TBC1D12: variants seen among roughly 807,000 people sequenced by gnomAD.
TBC1D12 encodes TBC1 domain family, member 12.
A neutral mutation model predicts 86.7 loss-of-function variants in TBC1D12; 56 were observed. The observed-to-expected ratio is 0.65, with a 90% confidence interval of 0.52 to 0.81. TBC1D12 has a LOEUF of 0.81. Among genes scored for constraint, TBC1D12 ranks in the 30% least tolerant of loss-of-function variants. The pLI, the probability that TBC1D12 is intolerant of heterozygous loss-of-function variation, is 0.00. For synonymous variants in TBC1D12, 421 were observed against 411.7 expected, an observed-to-expected ratio of 1.02 and a Z score of -0.27; for missense variants, 1,023 against 1,038.8, an observed-to-expected ratio of 0.98 and a Z score of 0.21.
chr10:94,406,331 C>G (rs2054853772), intron 1 of TBC1D12, among the ~76,000 whole-genome samples: 1 of 152,004 alleles, frequency 6.6e-6, no homozygotes, highest in South Asian at 2.1e-4. Context: ...AAACAGGTGC[C>G]CTAAAGTTAA....
At chr10:94,525,474 T>C (rs1028760514) in intron 11 of TBC1D12, among the ~76,000 whole-genome samples, 2 of 151,862 alleles carry the variant, frequency 1.3e-5, no homozygotes, top group African/African-American at 2.4e-5. Context: ...TGTGGTGGCC[T>C]GTGCCTGTAG....
chr10:94,456,958 CTCTG>C (rs1300782839), intron 2 of TBC1D12, among the ~76,000 whole-genome samples: 2 of 152,182 alleles, frequency 1.3e-5, no homozygotes, highest in Non-Finnish European at 2.9e-5. Flanking sequence ...CCGAAGTCTG[CTCTG>C]TCTGAGATTA....
chr10:94,498,809 C>T (rs2056357404), intron 5 of TBC1D12, among the ~76,000 whole-genome samples: 1 of 151,706 alleles, frequency 6.6e-6, no homozygotes, highest in South Asian at 2.1e-4. Context: ...CACTCTGTTG[C>T]CCAGGCTGGG....
chr10:94,474,981 T>C (rs1447895471), intron 3 of TBC1D12, among the ~76,000 whole-genome samples, 198 bp downstream of exon 3: 1 of 152,108 alleles, frequency 6.6e-6, no homozygotes, highest in Non-Finnish European at 1.5e-5. Context: ...AGAGACAGGG[T>C]CTTGCTATGT....
chr10:94,523,051 A>C (rs537041769), intron 11 of TBC1D12, among the ~76,000 whole-genome samples: 1 of 150,596 alleles, frequency 6.6e-6, no homozygotes, highest in African/African-American at 2.4e-5. Flanking sequence ...CTCAAAAAAA[A>C]AAAAAAAAAA....
chr10:94,507,279 T>A lies in TBC1D12; in HGVS notation c.1532T>A (p.Ile511Asn). The A allele has an allele frequency of 6.2e-7, 1 of 1,610,750 alleles. No homozygotes were observed. The highest frequency in any genetic ancestry group is 1.7e-5 in the Admixed American group (1 of 58,994). ...CCCCAACCCCCAGAACTTTATGAAA[T>A]CTTCCTCTCAAGAGCAAAAGAACGG... Reference protein sequence around the residue: ...ELNITPELYEIFLSRAKERWK... With the variant: ...ELNITPELYENFLSRAKERWK... The change falls in exon 7 of 13, where the codon ATC (isoleucine) becomes AAC (asparagine). Residue 511 changes from isoleucine (I) to asparagine (N), a missense_variant. Coordinates refer to ENST00000225235, the MANE Select transcript of TBC1D12 (RefSeq NM_015188.2).
At chr10:94,409,644 A>G (rs1268411147) in intron 1 of TBC1D12, among the ~76,000 whole-genome samples, 1 of 152,102 alleles carries the variant, frequency 6.6e-6, no homozygotes, top group Non-Finnish European at 1.5e-5. Flanking sequence ...TTAAAGTGCT[A>G]GGATTATAGG....
At position 94,530,897 on chromosome 10, in the gene TBC1D12, A is replaced by G. The variant is rs537323520; in HGVS notation, c.2001-305A>G. Among the ~76,000 whole-genome samples, 1,094 of 120,152 alleles carry G rather than the reference A, an allele frequency of 9.1e-3. 10 individuals are homozygous for G. Among genetic ancestry groups the G allele is most frequent in the Admixed American group, 0.012 (108 of 8,792 alleles). 78.8% of individuals were successfully genotyped at this position (120,152 alleles called of 152,430 possible). A position where few individuals can be genotyped will look rare whatever the true frequency, so the allele number is the denominator to read the frequency against. Reference sequence around the variant, plus strand: ...TTTTTCTGAGACAGAGTCTCACTCTATCACCAGGCTGGAGTGCAGTGGCAC... The same window carrying G: ...TTTTTCTGAGACAGAGTCTCACTCTGTCACCAGGCTGGAGTGCAGTGGCAC... On this transcript the variant is annotated intron_variant, in intron 11 of 12. Coordinates refer to ENST00000225235, the MANE Select transcript of TBC1D12 (RefSeq NM_015188.2).
At chr10:94,444,506 A>G (rs1001744341) in intron 2 of TBC1D12, among the ~76,000 whole-genome samples, 1 of 152,140 alleles carries the variant, frequency 6.6e-6, no homozygotes, top group Non-Finnish European at 1.5e-5. Flanking sequence ...CTCTAGAGGC[A>G]AAACGGTGGT....
chr10:94,443,107 A>C (rs1443851462), intron 2 of TBC1D12, among the ~76,000 whole-genome samples: 2 of 152,178 alleles, frequency 1.3e-5, no homozygotes, highest in Non-Finnish European at 2.9e-5. Flanking sequence ...AACCAGAACC[A>C]AGATGTTCAC....
intron 1 of TBC1D12, among the ~76,000 whole-genome samples, chr10:94,429,106 G>A (rs1159595392): frequency 6.6e-6 from 1 of 151,206 alleles, no homozygotes; most frequent in East Asian, 1.9e-4. Flanking sequence ...CAATGTTACG[G>A]ATATTTTCTA....
rs77327874 is a variant in TBC1D12, at chr10:94,483,765, C to A, written c.1211+8982C>A. On this transcript the variant is annotated intron_variant, in intron 3 of 12. Coordinates refer to ENST00000225235, the MANE Select transcript of TBC1D12 (RefSeq NM_015188.2). ...TTGTTTGTTTGTTTGTCTTGCTGTGCAAAACATTTTTAACTTGATGTGATC... is the reference window on the plus strand; with the variant it reads ...TTGTTTGTTTGTTTGTCTTGCTGTGAAAAACATTTTTAACTTGATGTGATC... Among the ~76,000 whole-genome samples the A allele has an allele frequency of 7.9e-5, 12 of 151,826 alleles. No homozygotes were observed. In the East Asian group the frequency reaches 2.3e-3, roughly 29 times the overall value.
At position 94,506,632 on chromosome 10, in the gene TBC1D12, C is replaced by T. The variant is rs183869285; in HGVS notation, c.1520-635C>T. Among the ~76,000 whole-genome samples, 248 of 152,184 alleles carry T rather than the reference C, an allele frequency of 1.6e-3. 1 individual carries two copies. The highest frequency in any genetic ancestry group is 2.8e-3 in the Non-Finnish European group (188 of 67,992). On this transcript the variant is annotated intron_variant, in intron 6 of 12. Transcript: ENST00000225235. Reference sequence around the variant, plus strand: ...TATGAGACCCTGCATATGGGAGTGCCGTGACTAGGCACTTAAATTAAAAAG... The same window carrying T: ...TATGAGACCCTGCATATGGGAGTGCTGTGACTAGGCACTTAAATTAAAAAG...
chr10:94,403,163 G>A lies in TBC1D12; in HGVS notation c.550G>A (p.Gly184Ser), dbSNP rs1111067. 3 of 1,442,512 alleles carry A rather than the reference G, an allele frequency of 2.1e-6. No homozygotes were observed. The highest frequency in any genetic ancestry group is 1.5e-5 in the African/African-American group (1 of 66,874). 89.4% of individuals were successfully genotyped at this position (1,442,512 alleles called of 1,614,324 possible). A position where few individuals can be genotyped will look rare whatever the true frequency, so the allele number is the denominator to read the frequency against. ...GGGGCCTGGCGACGAGGACGCGGAC[G>A]GCGCGGGAAGCCCGTCCGATTGGGC... The part of the protein sequence containing the change: ...LEGPGDEDAD[G>S]AGSPSDWASP... The change falls in exon 1 of 13, where the codon GGC becomes AGC. Residue 184 changes from glycine to serine, a missense_variant. Around this residue, in one of 2 missense-constraint regions of TBC1D12, gnomAD observed 628 missense variants for 531.1 expected, o/e 1.18. Coordinates refer to ENST00000225235, the MANE Select transcript of TBC1D12 (RefSeq NM_015188.2).
rs2056271755 is a variant in TBC1D12, at chr10:94,493,374, T to C, written c.1221T>C (p.Pro407=). 1 of 1,609,754 alleles carries C rather than the reference T, an allele frequency of 6.2e-7. No homozygotes were observed. Among genetic ancestry groups the C allele is most frequent in the African/African-American group, 1.3e-5 (1 of 74,728 alleles). Residue 407 remains proline, a synonymous_variant, in exon 4 of 13, where the codon CCT becomes CCC. Coordinates refer to ENST00000225235, the MANE Select transcript of TBC1D12 (RefSeq NM_015188.2). ...TAATTTTTTTTTCCAGAAATCTTCC[T>C]GCCAAATCTGTGGAAGAAGCTTTAC... ...LILEDRPSNL[P]AKSVEEALRH...
intron 3 of TBC1D12, among the ~76,000 whole-genome samples, chr10:94,491,270 A>G (rs923178738): frequency 6.6e-6 from 1 of 152,026 alleles, no homozygotes; most frequent in Non-Finnish European, 1.5e-5. Flanking sequence ...CCCTCCTACA[A>G]CCTACCAGAT....
At chr10:94,481,555 A>T (rs183270590) in intron 3 of TBC1D12, among the ~76,000 whole-genome samples, 2 of 152,298 alleles carry the variant, frequency 1.3e-5, no homozygotes, top group Admixed American at 6.5e-5. Context: ...CTCACCCTTC[A>T]TAGAATTGAA....
At chr10:94,524,816 T>TA (rs902480669) in intron 11 of TBC1D12, among the ~76,000 whole-genome samples, 5 of 152,042 alleles carry the variant, frequency 3.3e-5, no homozygotes, top group African/African-American at 7.2e-5. Flanking sequence ...TTTCGTTCAT[T>TA]AAAAAATTTT....
At chr10:94,410,874 A>G (rs758041252) in intron 1 of TBC1D12, among the ~76,000 whole-genome samples, 4 of 152,178 alleles carry the variant, frequency 2.6e-5, no homozygotes, top group Non-Finnish European at 5.9e-5. Flanking sequence ...TTCCTTATCT[A>G]TGAAATTGGG....
Sources: allele counts gnomAD v4.1 joint callset (sites outside exome capture counted in the v4.1 genomes callset), GRCh38; gene constraint gnomAD v4.1.1; regional missense constraint gnomAD v4.1.1; transcripts MANE v1.5; gene names NCBI Gene and HGNC (gene_info 2026-07-23, HGNC 2026-07-21).